RAD54L2: variants seen among roughly 807,000 people sequenced by gnomAD.
The protein encoded by RAD54L2 is RAD54 like 2, also known as helicase ARIP4.
In RAD54L2, 27 loss-of-function variants were observed where a neutral mutation model predicts 138.4. The observed-to-expected ratio is 0.20, with a 90% CI of 0.14 to 0.27. RAD54L2 has a LOEUF of 0.27. RAD54L2 is among the 10% of genes least tolerant of loss of function. The pLI is 1.00. For missense variants in RAD54L2, 1,396 were observed against 1,890.2 expected (o/e 0.74, Z 4.85); for synonymous variants, 644 against 723.2 (o/e 0.89, Z 1.76).
intron 10 of RAD54L2, among the ~76,000 whole-genome samples, chr3:51,636,140 A>T (rs1014881437): frequency 6.6e-6 from 1 of 152,248 alleles, no homozygotes; most frequent in Non-Finnish European, 1.5e-5. Context: ...AAAGTGTTTA[A>T]ATCACTAATA....
At chr3:51,580,416 A>G (rs1393726145) in intron 2 of RAD54L2, among the ~76,000 whole-genome samples, 2 of 152,164 alleles carry the variant, frequency 1.3e-5, no homozygotes, top group Non-Finnish European at 1.5e-5. Context: ...TCATTGTTCA[A>G]TAATTTTTAT....
chr3:51,617,873 A>C (rs1055153752), intron 3 of RAD54L2, among the ~76,000 whole-genome samples: 4 of 152,174 alleles, frequency 2.6e-5, no homozygotes, highest in African/African-American at 9.6e-5. Flanking sequence ...ACAGAGCAAA[A>C]TTCTGTCTCT....
intron 2 of RAD54L2, among the ~76,000 whole-genome samples, chr3:51,563,599 C>T (rs543220609): frequency 2.6e-4 from 39 of 152,248 alleles, no homozygotes; most frequent in Middle Eastern, 3.4e-3. Flanking sequence ...GTTCCCTCCC[C>T]GGTGTGTTCA....
rs555002515 is a variant in RAD54L2 at position 51,613,143 on chromosome 3, C to T, written c.140-14410C>T. Among the ~76,000 whole-genome samples the T allele has an allele frequency of 9.2e-5, 14 of 152,038 alleles. No homozygotes were observed. In the East Asian group the frequency reaches 9.7e-4, roughly 11 times the overall value. On this transcript the variant is annotated intron_variant, in intron 3 of 22. Transcript: ENST00000684192. Reference sequence around the variant, plus strand: ...TTTTAGTAGAGATGGGGTTTCACCACGTTAGCCAGTGTGGTCTCCATCTGA... The same window carrying T: ...TTTTAGTAGAGATGGGGTTTCACCATGTTAGCCAGTGTGGTCTCCATCTGA...
At chr3:51,585,189 A>G (rs1269133227) in intron 2 of RAD54L2, among the ~76,000 whole-genome samples, 7 of 145,624 alleles carry the variant, frequency 4.8e-5, no homozygotes, top group Non-Finnish European at 7.4e-5. Flanking sequence ...ATTCTTCAAG[A>G]AAAAAAACAA....
chr3:51,642,314 A>G (rs928405630), intron 15 of RAD54L2, among the ~76,000 whole-genome samples: 1 of 151,302 alleles, frequency 6.6e-6, no homozygotes, highest in Non-Finnish European at 1.5e-5. Flanking sequence ...GGGAGATAAT[A>G]CTTTAAGGGG....
Position 51,637,368 on chromosome 3 carries a change from C to T in RAD54L2, c.1547C>T (p.Thr516Ile), listed in dbSNP as rs757788622. 5 of 1,613,742 alleles carry T rather than the reference C, an allele frequency of 3.1e-6. No homozygotes were observed. Among genetic ancestry groups the T allele is most frequent in the African/African-American group, 1.3e-5 (1 of 75,042 alleles). Residue 516 changes from threonine to isoleucine, a missense_variant, in exon 11 of 23, where the codon ACC (threonine) becomes ATC (isoleucine). By Grantham distance (89) the Thr-to-Ile change is moderately conservative (BLOSUM62 -1). Transcript: ENST00000684192. The surrounding 1 kb of genome is among the most constrained non-coding windows in gnomAD (Gnocchi z 5.9). ...TTTGTGCGCCCAGACTTCCTTGGCA[C>T]CCGGCAGGAGTTCAGCAACATGTTT... ...VDFVRPDFLG[T>I]RQEFSNMFER...
chr3:51,557,180 CTTTTTTTTTTTTTTTTTTT>C (rs58428110), intron 2 of RAD54L2, among the ~76,000 whole-genome samples: 1 of 113,344 alleles, frequency 8.8e-6, no homozygotes, highest in Non-Finnish European at 1.7e-5. Context: ...TTGTTGTTGG[CTTTTTTTTTTTTTTTTTTT>C]TTTTTTTTGA....
chr3:51,626,289 A>C (rs1446880734), intron 3 of RAD54L2, among the ~76,000 whole-genome samples: 1 of 151,764 alleles, frequency 6.6e-6, no homozygotes, highest in East Asian at 1.9e-4. Context: ...CTTGTGGTCT[A>C]TGTGACTCTC....
At chr3:51,639,700 A>T (rs747217807) in intron 13 of RAD54L2, 30 bp downstream of exon 13, 2 of 1,610,504 alleles carry the variant, frequency 1.2e-6, no homozygotes, top group South Asian at 2.2e-5. Flanking sequence ...CAGGAACCAT[A>T]AACTATTGCT....
At chr3:51,588,074 T>A (rs984766176) in intron 2 of RAD54L2, among the ~76,000 whole-genome samples, 4 of 149,016 alleles carry the variant, frequency 2.7e-5, no homozygotes, top group Middle Eastern at 3.5e-3. Flanking sequence ...TAGTCCCAGC[T>A]ACTTGGGAGG....
chr3:51,622,484 T>C (rs558376400), intron 3 of RAD54L2, among the ~76,000 whole-genome samples: 1 of 152,314 alleles, frequency 6.6e-6, no homozygotes, highest in African/African-American at 2.4e-5. Context: ...GATGCCTTTC[T>C]TGACCATTTC....
intron 3 of RAD54L2, among the ~76,000 whole-genome samples, chr3:51,592,280 C>G (rs1267330522): frequency 6.6e-6 from 1 of 151,678 alleles, no homozygotes; most frequent in African/African-American, 2.4e-5. Flanking sequence ...TTAGGCTGTT[C>G]TCGAACTCCT....
rs2106868764 is a variant in RAD54L2 at position 51,665,838 on chromosome 3, G to C, written c.*2418G>C. ...TGTGTGTGTGTGTTGTCGGGAGAAG[G>C]GGGTAGTATTTCTGTGTTCACTTCT... On this transcript the variant is annotated 3_prime_UTR_variant, in exon 23 of 23. Coordinates refer to ENST00000684192, the MANE Select transcript of RAD54L2 (RefSeq NM_015106.4). 1 of 152,350 alleles carries C rather than the reference G, an allele frequency of 6.6e-6. No individual in the cohort carries two copies. Among genetic ancestry groups the C allele is most frequent in the African/African-American group, 2.4e-5 (1 of 41,574 alleles). The allele number at this position is 152,350 out of a possible 1,614,324, so 9.4% of individuals were successfully genotyped here. A position where few individuals can be genotyped will look rare whatever the true frequency, so the allele number is the denominator to read the frequency against.
intron 19 of RAD54L2, among the ~76,000 whole-genome samples, chr3:51,653,132 C>T (rs1450176823): frequency 1.3e-5 from 2 of 152,178 alleles, no homozygotes; most frequent in Non-Finnish European, 2.9e-5. Context: ...TATGAACAAA[C>T]ACTTTTCAAA....
chr3:51,556,769 T>A (rs542900509), intron 2 of RAD54L2, among the ~76,000 whole-genome samples: 1 of 152,072 alleles, frequency 6.6e-6, no homozygotes, highest in South Asian at 2.1e-4. Flanking sequence ...ATAGACGGGG[T>A]TTCTCCATTT....
intron 3 of RAD54L2, among the ~76,000 whole-genome samples, chr3:51,595,721 T>C (rs1699944304): frequency 6.6e-6 from 1 of 152,196 alleles, no homozygotes; most frequent in South Asian, 2.1e-4. Context: ...CATGACATGT[T>C]GTGAGACATT....
intron 2 of RAD54L2, among the ~76,000 whole-genome samples, chr3:51,560,945 G>A (rs1577388823): frequency 6.6e-6 from 1 of 152,196 alleles, no homozygotes; most frequent in African/African-American, 2.4e-5. Flanking sequence ...AGCTCATGTA[G>A]CAAAATGAGC....
Position 51,637,063 on chromosome 3 carries a change from T to G in RAD54L2, c.1340-98T>G. ...GACTCTTGCTTTCCTGCTTCCTTCATTTCTTCTGTCTCCTCCAGGGTGCAC... is the reference window on the plus strand; with the variant it reads ...GACTCTTGCTTTCCTGCTTCCTTCAGTTCTTCTGTCTCCTCCAGGGTGCAC... On this transcript the variant is annotated intron_variant, in intron 10 of 22. Transcript: ENST00000684192. This position sits in a 1 kb window ranked among gnomAD's most constrained non-coding sequence, Gnocchi z 5.9. 1 of 1,098,684 alleles carries G rather than the reference T, an allele frequency of 9.1e-7. No individual in the cohort carries two copies. Among genetic ancestry groups the G allele is most frequent in the Non-Finnish European group, 1.3e-6 (1 of 753,018 alleles). 68.1% of individuals were successfully genotyped at this position (1,098,684 alleles called of 1,614,324 possible).
Sources: allele counts gnomAD v4.1 joint callset (sites outside exome capture counted in the v4.1 genomes callset), GRCh38; gene constraint gnomAD v4.1.1; non-coding constraint Gnocchi (gnomAD v3.1); transcripts MANE v1.5; gene names NCBI Gene and HGNC (gene_info 2026-07-23, HGNC 2026-07-21).